The following TGFBI variants were observed in gnomAD, a reference collection of about 807,000 sequenced individuals.
TGFBI encodes the protein transforming growth factor beta induced, also known as transforming growth factor-beta-induced protein ig-h3.
Under a neutral mutation model 73.7 loss-of-function variants are expected in TGFBI, and 50 were observed. The observed-to-expected ratio is 0.68, with a 90% CI of 0.54 to 0.86. TGFBI has a LOEUF of 0.86. Ranked by LOEUF, TGFBI falls within the 40% of genes least tolerant of loss-of-function variation. TGFBI has a pLI of 0.00. For missense variants in TGFBI, 839 were observed against 877.0 expected (o/e 0.96, Z 0.55); for synonymous variants, 362 against 360.5 (o/e 1.00, Z -0.05).
rs906118299 is a variant in TGFBI, at chr5:136,059,241, G to A, written c.1803+27G>A. The A allele has an allele frequency of 5.6e-6, 9 of 1,605,274 alleles. No individual in the cohort carries two copies. The East Asian group carries it at 2.0e-4, about 36-fold the overall frequency. ...TAAGTGTCCTGCAAATCAAAGGCTG[G>A]CTAAATTTCCCCAGGGCAGGGCTCC... is the stretch of plus-strand genomic sequence containing the variant. On this transcript the variant is annotated intron_variant, in intron 13 of 16. Transcript: ENST00000442011.
chr5:136,043,916 A>C, intron 2 of TGFBI, 142 bp from the exon 3 acceptor site: 1 of 683,564 alleles, frequency 1.5e-6, no homozygotes, highest in Non-Finnish European at 2.6e-6. Context: ...CCTATGACTT[A>C]GCAAATAACT....
chr5:136,034,046 AT>A (rs1751171983), intron 2 of TGFBI, among the ~76,000 whole-genome samples, 185 bp downstream of exon 2: 1 of 152,062 alleles, frequency 6.6e-6, no homozygotes, highest in African/African-American at 2.4e-5. Context: ...TTTGTTTTGC[AT>A]TTTTAAGGCT....
chr5:136,050,564 A>G (rs1164751524), intron 7 of TGFBI, among the ~76,000 whole-genome samples: 3 of 152,170 alleles, frequency 2.0e-5, no homozygotes, highest in African/African-American at 7.2e-5. Context: ...CTGAAAGGCC[A>G]TGAGCACAAA....
At chr5:136,061,704 C>A in intron 15 of TGFBI, 125 bp downstream of exon 15, 1 of 777,038 alleles carries the variant, frequency 1.3e-6, no homozygotes, top group South Asian at 1.5e-5. Context: ...AAACTTCTCC[C>A]CACTCCCACT....
In TGFBI at chr5:136,063,305, GT is replaced by G. The variant is rs1164145377; in HGVS notation, c.*83del. On this transcript the variant is annotated 3_prime_UTR_variant, in exon 17 of 17. Transcript: ENST00000442011. Reference sequence around the variant, plus strand: ...AGATTTCCACAGAGACTGTTTGAATGTTTTCAAAACCAAGTATCACACTTTA... The same window carrying G: ...AGATTTCCACAGAGACTGTTTGAATGTTTCAAAACCAAGTATCACACTTTA... 3 of 1,360,252 alleles carry G rather than the reference GT, an allele frequency of 2.2e-6. No homozygotes were observed. The highest frequency in any genetic ancestry group is 1.8e-5 in the Admixed American group (1 of 54,638). The allele number at this position is 1,360,252 out of a possible 1,614,324, so 84.3% of individuals were successfully genotyped here. A position where few individuals can be genotyped will look rare whatever the true frequency, so the allele number is the denominator to read the frequency against.
chr5:136,059,186 T>C lies in TGFBI; in HGVS notation c.1775T>C (p.Leu592Pro), dbSNP rs1194150984. Residue 592 changes from leucine to proline, a missense_variant, in exon 13 of 17, where the codon CTC (leucine) becomes CCC (proline). By Grantham distance (98) the Leu-to-Pro change is moderately conservative (BLOSUM62 -3). Coordinates refer to ENST00000442011, the MANE Select transcript of TGFBI (RefSeq NM_000358.3). ...GIGALVRLKS[L>P]QGDKLEVSLK... ...GGGGCCCTGGTGCGGCTAAAGTCTC[T>C]CCAAGGTGACAAGCTGGAAGTCAGC... 2 of 1,610,518 alleles carry C rather than the reference T, an allele frequency of 1.2e-6. No homozygotes were observed. The highest frequency in any genetic ancestry group is 2.2e-5 in the East Asian group (1 of 44,864).
At chr5:136,061,338 C>T in intron 14 of TGFBI, 162 bp from the exon 15 acceptor site, 2 of 645,310 alleles carry the variant, frequency 3.1e-6, no homozygotes, top group Non-Finnish European at 2.8e-6. Flanking sequence ...GTGCTCTCTC[C>T]CCATGGGCCA....
At chr5:136,061,822 T>C (rs963836389) in intron 15 of TGFBI, among the ~76,000 whole-genome samples, 1 of 152,182 alleles carries the variant, frequency 6.6e-6, no homozygotes, top group African/African-American at 2.4e-5. Flanking sequence ...CCTCTGAGCC[T>C]CAGATCATGG....
intron 1 of TGFBI, among the ~76,000 whole-genome samples, chr5:136,033,504 G>A (rs1751158850): frequency 6.6e-6 from 1 of 152,134 alleles, no homozygotes. Flanking sequence ...GTCAAAGAAG[G>A]ATATGTACAT....
Position 136,059,162 on chromosome 5 carries a change from G to C in TGFBI, c.1751G>C (p.Gly584Ala), listed in dbSNP as rs555842830. The change falls in exon 13 of 17, where the codon GGG becomes GCG. Residue 584 changes from glycine (G) to alanine (A), a missense_variant. Transcript: ENST00000442011. Reference protein sequence around the residue: ...GDEILVSGGIGALVRLKSLQG... With the variant: ...GDEILVSGGIAALVRLKSLQG... ...GAAATCCTGGTTAGCGGAGGCATCG[G>C]GGCCCTGGTGCGGCTAAAGTCTCTC... 6.2e-6 allele frequency: 10 copies of C among 1,610,866 alleles called. No individual in the cohort carries two copies. Among genetic ancestry groups the C allele is most frequent in the African/African-American group, 4.0e-5 (3 of 74,964 alleles).
intron 2 of TGFBI, among the ~76,000 whole-genome samples, chr5:136,040,204 C>G (rs900259333): frequency 5.3e-5 from 8 of 152,154 alleles, no homozygotes; most frequent in African/African-American, 1.7e-4. Context: ...TGGTGGAGAG[C>G]CTCCCAGACA....
chr5:136,039,712 G>A (rs1229762974), intron 2 of TGFBI, among the ~76,000 whole-genome samples: 2 of 152,220 alleles, frequency 1.3e-5, no homozygotes, highest in East Asian at 3.9e-4. Context: ...ACATTCTGAA[G>A]ACTCTGTCCT....
chr5:136,061,763 G>A (rs1751753469), intron 15 of TGFBI, 184 bp downstream of exon 15: 5 of 664,616 alleles, frequency 7.5e-6, no homozygotes, highest in Non-Finnish European at 1.4e-5. Flanking sequence ...AAAGAACCAA[G>A]GCAACTCCCT....
At chr5:136,036,137 T>C (rs1751217112) in intron 2 of TGFBI, among the ~76,000 whole-genome samples, 1 of 152,124 alleles carries the variant, frequency 6.6e-6, no homozygotes, top group Non-Finnish European at 1.5e-5. Flanking sequence ...GGTTTGGATA[T>C]GATAATGTGG....
chr5:136,047,686 A>G, intron 6 of TGFBI: 1 of 466,078 alleles, frequency 2.1e-6, no homozygotes, highest in Non-Finnish European at 3.9e-6. Flanking sequence ...GCAGCAGCAC[A>G]GTGTCCTCTG....
At chr5:136,059,351 GA>G in intron 13 of TGFBI, 137 bp downstream of exon 13, 1 of 1,292,180 alleles carries the variant, frequency 7.7e-7, no homozygotes, top group Non-Finnish European at 1.0e-6. Flanking sequence ...TTCGTCCAAA[GA>G]AAAAGAGAAA....
At chr5:136,058,705 G>C in intron 12 of TGFBI, 1 of 168,132 alleles carries the variant, frequency 5.9e-6, no homozygotes, top group Non-Finnish European at 1.3e-5. Context: ...AAACGTCCCA[G>C]ATGCCGGTGC....
chr5:136,044,005 T>A lies in TGFBI; in HGVS notation c.234-53T>A, dbSNP rs145627157. 4.1e-3 allele frequency: 6,252 copies of A among 1,515,114 alleles called. 19 individuals are homozygous for A. Among genetic ancestry groups the A allele is most frequent in the Non-Finnish European group, 5.2e-3 (5,733 of 1,092,472 alleles). 93.9% of individuals were successfully genotyped at this position (1,515,114 alleles called of 1,614,324 possible). On this transcript the variant is annotated intron_variant, in intron 2 of 16. Coordinates refer to ENST00000442011, the MANE Select transcript of TGFBI (RefSeq NM_000358.3). Reference sequence around the variant, plus strand: ...CTTAGTGGAGAGGGGCCAGATGACCTGTGAGGAACAGTGAAGCCCTGCCTA... The same window carrying A: ...CTTAGTGGAGAGGGGCCAGATGACCAGTGAGGAACAGTGAAGCCCTGCCTA...
intron 11 of TGFBI, among the ~76,000 whole-genome samples, chr5:136,056,289 C>T (rs1168122655): frequency 6.6e-6 from 1 of 152,206 alleles, no homozygotes; most frequent in African/African-American, 2.4e-5. Flanking sequence ...GTTTCCCTGT[C>T]ACTGACTTCA....
Sources: gnomAD v4.1 joint callset for allele counts (sites outside exome capture counted in the v4.1 genomes callset) on GRCh38, gnomAD v4.1.1 for gene constraint, MANE v1.5 for transcripts, NCBI Gene and HGNC (gene_info 2026-07-23, HGNC 2026-07-21) for gene names.